Variants in EBF1 observed in about 807,000 individuals in gnomAD.
EBF1 encodes the protein EBF transcription factor 1.
In EBF1, 10 loss-of-function variants were observed where a neutral mutation model predicts 68.4. The ratio of observed to expected loss-of-function variants is 0.15; its 90% CI spans 0.09 to 0.25. EBF1 has a LOEUF of 0.25. EBF1 is among the 10% of genes least tolerant of loss of function. EBF1 has a pLI of 1.00. For synonymous variants in EBF1, 298 were observed against 299.8 expected, an observed-to-expected ratio of 0.99 and a Z score of 0.06; for missense variants, 509 against 794.4, an observed-to-expected ratio of 0.64 and a Z score of 4.32.
chr5:159,054,871 T>G (rs1264183359), intron 6 of EBF1, among the ~76,000 whole-genome samples: 1 of 152,192 alleles, frequency 6.6e-6, no homozygotes, highest in Non-Finnish European at 1.5e-5. Context: ...GACAAATGTG[T>G]TGGTCCACGT....
intron 6 of EBF1, among the ~76,000 whole-genome samples, chr5:158,978,833 C>CAGAG (rs60855237): frequency 7.6e-4 from 91 of 120,198 alleles, no homozygotes; most frequent in African/African-American, 1.6e-3. Context: ...CACACACACA[C>CAGAG]ACAGAGAGAG....
intron 7 of EBF1, among the ~76,000 whole-genome samples, chr5:158,831,494 G>T (rs1188465585): frequency 1.3e-5 from 2 of 152,080 alleles, no homozygotes; most frequent in Non-Finnish European, 2.9e-5. Flanking sequence ...TCTTACTGGG[G>T]ACAGAGAGAG....
At chr5:158,937,701 G>A (rs938970952) in intron 6 of EBF1, among the ~76,000 whole-genome samples, 1 of 152,222 alleles carries the variant, frequency 6.6e-6, no homozygotes, top group African/African-American at 2.4e-5. Flanking sequence ...CCCATCGCTT[G>A]AGGTGCATAA....
At chr5:158,707,557 G>GAGTGACCTAC (rs1240101322) in intron 15 of EBF1, 2 of 242,944 alleles carry the variant, frequency 8.2e-6, no homozygotes, top group Admixed American at 4.9e-5. Context: ...AGGGAAGGTT[G>GAGTGACCTAC]AGTGACCTAC....
chr5:158,781,666 C>G (rs1278850244), intron 9 of EBF1, among the ~76,000 whole-genome samples: 1 of 152,120 alleles, frequency 6.6e-6, no homozygotes. Flanking sequence ...TTGAGTTTAT[C>G]ATTATTTCTT....
Position 158,747,207 on chromosome 5 carries a change from C to T in EBF1, c.1037-16050G>A, listed in dbSNP as rs375665793. On this transcript the variant is annotated intron_variant, in intron 10 of 15. Coordinates refer to ENST00000313708, the MANE Select transcript of EBF1 (RefSeq NM_024007.5). ...ACAACTAAAACTCAAATGTTGGAGC[C>T]GAACCAACCCCAGTCCTCTGTGTCA... 2.1e-3 allele frequency among the ~76,000 whole-genome samples: 313 copies of T among 152,272 alleles called. 2 individuals are homozygous for T. The highest frequency in any genetic ancestry group is 7.4e-3 in the African/African-American group (307 of 41,558).
chr5:158,712,346 G>T lies in EBF1; in HGVS notation c.1370-13C>A, dbSNP rs147477056. 1.2e-5 allele frequency: 20 copies of T among 1,612,430 alleles called. No individual in the cohort carries two copies. Among genetic ancestry groups the T allele is most frequent in the Non-Finnish European group, 1.6e-5 (19 of 1,179,126 alleles). On this transcript the variant is annotated splice_polypyrimidine_tract_variant and intron_variant, in intron 13 of 15. Transcript: ENST00000313708. ...TTGCGGGTGAAACCTGAGGGGCGGGGGCAAAACCGGAGGTGAGGGTGGCAT... is the reference window on the plus strand; with the variant it reads ...TTGCGGGTGAAACCTGAGGGGCGGGTGCAAAACCGGAGGTGAGGGTGGCAT...
At chr5:158,714,297 G>T in intron 11 of EBF1, 115 bp from the exon 12 acceptor site, 4 of 1,199,620 alleles carry the variant, frequency 3.3e-6, no homozygotes, top group East Asian at 2.3e-5. Context: ...TGCTATAAAG[G>T]CCGTAGCTTG....
At chr5:158,828,909 T>C (rs1786831181) in intron 7 of EBF1, among the ~76,000 whole-genome samples, 1 of 152,180 alleles carries the variant, frequency 6.6e-6, no homozygotes, top group African/African-American at 2.4e-5. Flanking sequence ...TAAATGCATA[T>C]TACTAAATAA....
At chr5:158,753,523 G>A (rs1769386049) in intron 10 of EBF1, among the ~76,000 whole-genome samples, 1 of 151,990 alleles carries the variant, frequency 6.6e-6, no homozygotes, top group African/African-American at 2.4e-5. Flanking sequence ...CATAACTAAA[G>A]GCAGGAACCC....
At chr5:159,095,569 C>A (rs12659540) in intron 4 of EBF1, 51 bp downstream of exon 4, 796,294 of 1,603,396 alleles carry the variant, frequency 0.5, 200,802 homozygotes, top group South Asian at 0.6. Flanking sequence ...TCTTGACTGC[C>A]CTGAATTTTG....
At chr5:158,941,744 A>G (rs572338684) in intron 6 of EBF1, among the ~76,000 whole-genome samples, 1 of 152,332 alleles carries the variant, frequency 6.6e-6, no homozygotes, top group East Asian at 1.9e-4. Flanking sequence ...ACCAAAGGGC[A>G]GGATTTGCCC....
intron 6 of EBF1, among the ~76,000 whole-genome samples, chr5:159,057,245 T>C (rs966489593): frequency 3.9e-5 from 6 of 152,006 alleles, no homozygotes; most frequent in South Asian, 2.1e-4. Context: ...TAGCTGAGAT[T>C]ACAGGCATGT....
intron 6 of EBF1, among the ~76,000 whole-genome samples, chr5:158,917,537 A>T (rs1480712839): frequency 1.3e-5 from 2 of 152,208 alleles, no homozygotes; most frequent in Admixed American, 1.3e-4. Flanking sequence ...TTTTAGGTAT[A>T]CACACTTGTT....
chr5:158,915,492 C>A (rs1386240099), intron 6 of EBF1, among the ~76,000 whole-genome samples: 1 of 152,218 alleles, frequency 6.6e-6, no homozygotes, highest in African/African-American at 2.4e-5. Flanking sequence ...TCTCCGCTTC[C>A]CTTCTTTGTC....
At chr5:158,711,449 A>T (rs1266841243) in intron 14 of EBF1, among the ~76,000 whole-genome samples, 3 of 152,162 alleles carry the variant, frequency 2.0e-5, no homozygotes, top group Non-Finnish European at 4.4e-5. Context: ...GGACAAGCTC[A>T]CTGTATGCGC....
intron 6 of EBF1, among the ~76,000 whole-genome samples, chr5:158,967,932 G>A (rs567825060): frequency 6.6e-6 from 1 of 152,272 alleles, no homozygotes; most frequent in South Asian, 2.1e-4. Flanking sequence ...CAATGGCTTA[G>A]TATCTGTCCA....
At chr5:158,869,033 C>T (rs1205971435) in intron 6 of EBF1, among the ~76,000 whole-genome samples, 1 of 152,118 alleles carries the variant, frequency 6.6e-6, no homozygotes, top group African/African-American at 2.4e-5. Context: ...TGGCATTCAA[C>T]TTTTTCTCCG....
intron 9 of EBF1, among the ~76,000 whole-genome samples, chr5:158,793,706 A>G (rs1779112376): frequency 6.6e-6 from 1 of 152,196 alleles, no homozygotes; most frequent in Non-Finnish European, 1.5e-5. Flanking sequence ...TATTGCATAC[A>G]AGCCTATTGT....
Sources: allele counts gnomAD v4.1 joint callset (sites outside exome capture counted in the v4.1 genomes callset), GRCh38; gene constraint gnomAD v4.1.1; transcripts MANE v1.5; gene names NCBI Gene and HGNC (gene_info 2026-07-23, HGNC 2026-07-21).